Variants in BZW2 observed in about 807,000 individuals in gnomAD.
The protein encoded by BZW2 is basic leucine zipper and W2 domains 2.
A neutral mutation model predicts 53.2 loss-of-function variants in BZW2; 23 were observed. The ratio of observed to expected loss-of-function variants is 0.43; its 90% CI spans 0.31 to 0.61. The LOEUF is 0.61. Among genes scored for constraint, BZW2 ranks in the 20% least tolerant of loss-of-function variants. BZW2 has a pLI of 0.09. For missense variants in BZW2, 409 were observed against 503.1 expected, an observed-to-expected ratio of 0.81 and a Z score of 1.79; for synonymous variants, 227 against 186.4, an observed-to-expected ratio of 1.22 and a Z score of -1.77.
chr7:16,678,253 C>T (rs1213153268), intron 3 of BZW2, among the ~76,000 whole-genome samples: 1 of 151,794 alleles, frequency 6.6e-6, no homozygotes, highest in Non-Finnish European at 1.5e-5. Context: ...ATGGGGTTTC[C>T]ACCATGTTGG....
At chr7:16,646,488 GAA>G (rs1693681178) in intron 1 of BZW2, among the ~76,000 whole-genome samples, 200 bp downstream of exon 1, 1 of 151,678 alleles carries the variant, frequency 6.6e-6, no homozygotes, top group Admixed American at 6.6e-5. Flanking sequence ...GCCCTGGGAT[GAA>G]GACCTCCGAC....
At chr7:16,704,809 A>G (rs1174549499) in intron 11 of BZW2, 140 bp downstream of exon 11, 5 of 875,286 alleles carry the variant, frequency 5.7e-6, no homozygotes, top group South Asian at 4.1e-5. Context: ...CATTTTGCCA[A>G]CATCTTAGCT....
At position 16,696,919 on chromosome 7, in the gene BZW2, T is replaced by C. The variant is rs759210353; in HGVS notation, c.827T>C (p.Val276Ala). The C allele has an allele frequency of 6.2e-7, 1 of 1,613,962 alleles. No homozygotes were observed. The highest frequency in any genetic ancestry group is 2.2e-5 in the East Asian group (1 of 44,870). The change falls in exon 9 of 12, where the codon GTG becomes GCG. Residue 276 changes from valine (V) to alanine (A), a missense_variant. Transcript: ENST00000258761. ...CCCCATTTCCATGTAATGTAGGTGG[T>C]GCTTTATGTCAAAGAAGAAATGAAG... ...LSQECPIKEVVLYVKEEMKRN... is the reference protein window; with the variant it reads ...LSQECPIKEVALYVKEEMKRN...
chr7:16,660,787 C>G (rs889697476), intron 1 of BZW2, among the ~76,000 whole-genome samples: 2 of 152,052 alleles, frequency 1.3e-5, no homozygotes, highest in African/African-American at 4.8e-5. Context: ...TGATAGAGAA[C>G]GTTTCCATCA....
chr7:16,683,718 A>G (rs1016380564), intron 5 of BZW2, among the ~76,000 whole-genome samples: 5 of 152,184 alleles, frequency 3.3e-5, no homozygotes, highest in Non-Finnish European at 7.3e-5. Flanking sequence ...TATATATGGC[A>G]CCCACTACCT....
At chr7:16,690,719 T>C (rs958766057) in intron 7 of BZW2, among the ~76,000 whole-genome samples, 5 of 152,230 alleles carry the variant, frequency 3.3e-5, no homozygotes, top group African/African-American at 1.2e-4. Context: ...GTTAATTGTG[T>C]CACAATTGCT....
chr7:16,664,631 T>C (rs969155106), intron 1 of BZW2, among the ~76,000 whole-genome samples: 1 of 152,220 alleles, frequency 6.6e-6, no homozygotes, highest in Non-Finnish European at 1.5e-5. Flanking sequence ...GTGGTACAGT[T>C]AGATCTAATT....
At chr7:16,651,967 C>A (rs1267499188) in intron 1 of BZW2, among the ~76,000 whole-genome samples, 4 of 152,174 alleles carry the variant, frequency 2.6e-5, no homozygotes, top group African/African-American at 9.7e-5. Context: ...ATAAATAATT[C>A]TCTAAGACAT....
rs576973116 is a variant in BZW2 at position 16,688,031 on chromosome 7, G to GT, written c.542-1756dup. 9.6e-3 allele frequency among the ~76,000 whole-genome samples: 1,405 copies of GT among 146,486 alleles called. 21 individuals are homozygous for GT. Among genetic ancestry groups the GT allele is most frequent in the East Asian group, 9.4e-3 (46 of 4,910 alleles). ...ATGTTTTGTTGTTATAGCCGTTTTT[G>GT]TTTTTTTTTTAACTTAGTTTCTTTG... is the stretch of plus-strand genomic sequence containing the variant. On this transcript the variant is annotated intron_variant, in intron 6 of 11. Coordinates refer to ENST00000258761, the MANE Select transcript of BZW2 (RefSeq NM_014038.3).
chr7:16,706,305 C>T lies in BZW2; in HGVS notation c.*217C>T. On this transcript the variant is annotated 3_prime_UTR_variant, in exon 12 of 12. Transcript: ENST00000258761. ...ATTATACTTGGGACTCTACCTCTCA[C>T]TCACTATATGCTAACTTAAAGCCAT... 1 of 540,678 alleles carries T rather than the reference C, an allele frequency of 1.8e-6. No homozygotes were observed. Among genetic ancestry groups the T allele is most frequent in the Non-Finnish European group, 3.3e-6 (1 of 305,152 alleles). 33.5% of individuals were successfully genotyped at this position (540,678 alleles called of 1,614,324 possible). A position where few individuals can be genotyped will look rare whatever the true frequency, so the allele number is the denominator to read the frequency against.
rs550412063 is a variant in BZW2, at chr7:16,674,434, C to G, written c.81C>G (p.Pro27=). 1.3e-6 allele frequency: 2 copies of G among 1,586,136 alleles called. No homozygotes were observed. The highest frequency in any genetic ancestry group is 2.7e-5 in the African/African-American group (2 of 73,700). ...TAGATGAAAAAGAGAAATTCGAACC[C>G]ACAGTCTTCAGGGATACACTTGTCC... ...RKRDEKEKFE[P]TVFRDTLVQG... The change falls in exon 3 of 12, where the codon CCC becomes CCG. Residue 27 remains proline (P), a synonymous_variant. Coordinates refer to ENST00000258761, the MANE Select transcript of BZW2 (RefSeq NM_014038.3).
intron 3 of BZW2, among the ~76,000 whole-genome samples, 174 bp from the exon 4 acceptor site, chr7:16,681,127 G>A (rs970601512): frequency 1.3e-5 from 2 of 151,996 alleles, no homozygotes; most frequent in Non-Finnish European, 1.5e-5. Flanking sequence ...AGGAAAAAAT[G>A]TACAGCAACG....
chr7:16,704,678 C>T lies in BZW2; in HGVS notation c.1231+9C>T. Reference sequence around the variant, plus strand: ...ACAAAATGCAGAAGAAGGTATGATTCTGTTTACAAACATTGATGACCTTTA... The same window carrying T: ...ACAAAATGCAGAAGAAGGTATGATTTTGTTTACAAACATTGATGACCTTTA... On this transcript the variant is annotated intron_variant, in intron 11 of 11. Coordinates refer to ENST00000258761, the MANE Select transcript of BZW2 (RefSeq NM_014038.3). 1.3e-6 allele frequency: 2 copies of T among 1,562,766 alleles called. No homozygotes were observed. The highest frequency in any genetic ancestry group is 4.5e-5 in the East Asian group (2 of 44,000).
chr7:16,652,573 A>G (rs941556113), intron 1 of BZW2, among the ~76,000 whole-genome samples: 4 of 152,122 alleles, frequency 2.6e-5, no homozygotes, highest in African/African-American at 9.7e-5. Context: ...CTGGAGTGCG[A>G]TGGTGTGATC....
intron 1 of BZW2, among the ~76,000 whole-genome samples, chr7:16,652,869 A>G (rs903914018): frequency 7.9e-5 from 12 of 152,312 alleles, no homozygotes; most frequent in African/African-American, 2.6e-4. Context: ...GTAGCTCTGT[A>G]CTAGTTCTTT....
At chr7:16,697,828 T>C (rs984418284) in intron 9 of BZW2, among the ~76,000 whole-genome samples, 1 of 152,140 alleles carries the variant, frequency 6.6e-6, no homozygotes, top group African/African-American at 2.4e-5. Flanking sequence ...ATTGAAAAAA[T>C]GTGAATCTTC....
intron 3 of BZW2, among the ~76,000 whole-genome samples, chr7:16,676,594 T>TA (rs1281119384): frequency 6.6e-6 from 1 of 152,214 alleles, no homozygotes; most frequent in Non-Finnish European, 1.5e-5. Flanking sequence ...CAATGTTAGC[T>TA]ACCTAATTTC....
chr7:16,705,302 G>A (rs1309819604), intron 11 of BZW2, among the ~76,000 whole-genome samples: 2 of 138,750 alleles, frequency 1.4e-5, no homozygotes, highest in African/African-American at 4.9e-5. Flanking sequence ...AGGTTGCAGT[G>A]AGCCAAGATT....
intron 1 of BZW2, among the ~76,000 whole-genome samples, chr7:16,656,328 C>G (rs1562475593): frequency 1.3e-5 from 2 of 152,178 alleles, no homozygotes; most frequent in South Asian, 2.1e-4. Context: ...TCTGTTTCCT[C>G]ATGATTAGCT....
Sources: allele counts gnomAD v4.1 joint callset (sites outside exome capture counted in the v4.1 genomes callset), GRCh38; gene constraint gnomAD v4.1.1; transcripts MANE v1.5; gene names NCBI Gene and HGNC (gene_info 2026-07-23, HGNC 2026-07-21).